Variants in IFT122 observed in about 807,000 individuals in gnomAD.
IFT122 encodes intraflagellar transport 122, also known as intraflagellar transport protein 122 homolog.
A neutral mutation model predicts 161.6 loss-of-function variants in IFT122; 118 were observed. That is an observed-to-expected ratio of 0.73 (90% CI 0.63 to 0.85). IFT122 has a LOEUF of 0.85. Ranked by LOEUF, IFT122 falls within the 40% of genes least tolerant of loss-of-function variation. The pLI is 0.00. For synonymous variants in IFT122, 550 were observed against 602.4 expected (o/e 0.91, Z 1.27); for missense variants, 1,381 against 1,579.6 (o/e 0.87, Z 2.13).
chr3:129,454,743 A>G (rs1194372653), intron 3 of IFT122, among the ~76,000 whole-genome samples: 1 of 152,138 alleles, frequency 6.6e-6, no homozygotes, highest in East Asian at 1.9e-4. Context: ...GTTTATAAGC[A>G]TAGCAGGGCT....
intron 17 of IFT122, among the ~76,000 whole-genome samples, 197 bp from the exon 18 acceptor site, chr3:129,495,249 G>T (rs2080696297): frequency 6.6e-6 from 1 of 152,162 alleles, no homozygotes; most frequent in Non-Finnish European, 1.5e-5. Flanking sequence ...ATCTTTGCTT[G>T]TCTGGTAAAA....
At chr3:129,486,645 G>A (rs1433172930) in intron 15 of IFT122, among the ~76,000 whole-genome samples, 3 of 152,194 alleles carry the variant, frequency 2.0e-5, no homozygotes. Context: ...AAAGGGAAAG[G>A]TGGGGGTAGG....
At chr3:129,519,829 C>A in intron 29 of IFT122, 97 bp downstream of exon 29, 3 of 1,413,524 alleles carry the variant, frequency 2.1e-6, no homozygotes, top group African/African-American at 1.4e-5. Context: ...GGAGGAGGGG[C>A]ACATCCATGG....
chr3:129,499,961 C>T lies in IFT122; in HGVS notation c.2268C>T (p.Asp756=). 6.2e-7 allele frequency: 1 copy of T among 1,614,218 alleles called. No individual in the cohort carries two copies. Among genetic ancestry groups the T allele is most frequent in the Non-Finnish European group, 8.5e-7 (1 of 1,180,040 alleles). The change falls in exon 19 of 30, where the codon GAC becomes GAT. Residue 756 remains aspartate (D), a synonymous_variant. Transcript: ENST00000348417. ...ETKMLITKQA[D]WARNIKEPKA... is the part of the protein sequence containing the mutation. ...AGATGCTAATCACCAAACAGGCTGA[C>T]TGGGCCAGAAATATCAAGGAGCCCA... is the stretch of plus-strand genomic sequence containing the variant.
intron 2 of IFT122, 115 bp downstream of exon 2, chr3:129,450,052 A>C: frequency 1.3e-6 from 1 of 755,114 alleles, no homozygotes; most frequent in Admixed American, 2.0e-5. Flanking sequence ...AGGGTGGAAA[A>C]ACCTTCCCTA....
At position 129,444,309 on chromosome 3, in the gene IFT122, G is replaced by A. The variant is rs113616544; in HGVS notation, c.41+3938G>A. On this transcript the variant is annotated intron_variant, in intron 1 of 29. Transcript: ENST00000348417. Reference sequence around the variant, plus strand: ...CAGGTCTGTTACCACATAATGGTGAGGAAGCTGAAAAACTCAGGGCTTCAG... The same window carrying A: ...CAGGTCTGTTACCACATAATGGTGAAGAAGCTGAAAAACTCAGGGCTTCAG... 8.3e-3 allele frequency among the ~76,000 whole-genome samples: 1,271 copies of A among 152,336 alleles called. 14 individuals carry two copies. The highest frequency in any genetic ancestry group is 0.029 in the African/African-American group (1,213 of 41,570).
intron 9 of IFT122, 27 bp downstream of exon 9, chr3:129,469,444 G>T (rs766600664): frequency 1.3e-6 from 2 of 1,526,948 alleles, no homozygotes; most frequent in Non-Finnish European, 9.1e-7. Context: ...AAATCCAATT[G>T]CAGTCATGCC....
intron 1 of IFT122, among the ~76,000 whole-genome samples, chr3:129,449,342 A>C (rs533147219): frequency 4.5e-4 from 69 of 152,362 alleles, no homozygotes; most frequent in Admixed American, 4.4e-3. Flanking sequence ...ACACAACCTT[A>C]GAGGTGAGAA....
At chr3:129,494,483 T>C (rs2080586164) in intron 17 of IFT122, among the ~76,000 whole-genome samples, 1 of 152,230 alleles carries the variant, frequency 6.6e-6, no homozygotes, top group African/African-American at 2.4e-5. Context: ...TGCCTCCAGC[T>C]GTTAAAACTT....
intron 26 of IFT122, among the ~76,000 whole-genome samples, chr3:129,516,123 GCACACACAGAGACTGCCCCTGCACA>G (rs2083495010): frequency 2.5e-5 from 3 of 120,620 alleles, no homozygotes; most frequent in Admixed American, 8.6e-5. Flanking sequence ...GACTGCCCCT[GCACACACAGAGACTGCCCCTGCACA>G]CACACACAGA....
chr3:129,504,573 G>A (rs1408529503), intron 21 of IFT122, 152 bp downstream of exon 21: 4 of 729,724 alleles, frequency 5.5e-6, no homozygotes, highest in Admixed American at 4.0e-5. Flanking sequence ...GTGAAAGACT[G>A]TGGAGCATGG....
In IFT122 at chr3:129,514,411, A is replaced by G. The variant is rs1560012616; in HGVS notation, c.3010A>G (p.Lys1004Glu). 6.2e-7 allele frequency: 1 copy of G among 1,614,154 alleles called. No individual in the cohort carries two copies. Among genetic ancestry groups the G allele is most frequent in the Non-Finnish European group, 8.5e-7 (1 of 1,180,006 alleles). The change falls in exon 25 of 30, where the codon AAG becomes GAG. Residue 1004 changes from lysine to glutamate, a missense_variant. By Grantham distance (56) the Lys-to-Glu change is moderately conservative. This residue lies in a region of IFT122 where 496 missense variants were observed against 502.5 expected (regional missense o/e 0.99). Transcript: ENST00000348417. ...CAGGAAAATACTCTTCACCTTGGCC[A>G]AGCAGAGCAAGGCCCTCGGTGCCTA... is the stretch of plus-strand genomic sequence containing the variant. Reference protein sequence around the residue: ...SKVKILFTLAKQSKALGAYRL... With the variant: ...SKVKILFTLAEQSKALGAYRL...
chr3:129,486,674 G>T (rs1327635162), intron 15 of IFT122, among the ~76,000 whole-genome samples: 1 of 152,214 alleles, frequency 6.6e-6, no homozygotes, highest in African/African-American at 2.4e-5. Context: ...TGGAGAGCCT[G>T]GGAGATGGTG....
intron 29 of IFT122, 110 bp downstream of exon 29, chr3:129,519,842 C>T: frequency 1.5e-6 from 2 of 1,321,264 alleles, no homozygotes; most frequent in Non-Finnish European, 2.2e-6. Flanking sequence ...ATCCATGGCT[C>T]CAAGTTGGGA....
intron 15 of IFT122, chr3:129,484,035 G>C: frequency 2.6e-6 from 1 of 384,994 alleles, no homozygotes. Context: ...GTGTGTGTGT[G>C]AGTACGTGTG....
At chr3:129,472,583 G>A (rs1329130244) in intron 9 of IFT122, among the ~76,000 whole-genome samples, 1 of 151,866 alleles carries the variant, frequency 6.6e-6, no homozygotes, top group Admixed American at 6.6e-5. Flanking sequence ...GGTGTTCACT[G>A]AGCTTTTTGA....
intron 12 of IFT122, among the ~76,000 whole-genome samples, chr3:129,479,125 A>G (rs941775639): frequency 1.3e-5 from 2 of 152,182 alleles, no homozygotes; most frequent in Non-Finnish European, 2.9e-5. Flanking sequence ...AAATCTCTCA[A>G]AAGCCTAGAA....
chr3:129,520,367 G>A lies in IFT122; in HGVS notation c.*102G>A, dbSNP rs2084605906. On this transcript the variant is annotated 3_prime_UTR_variant, in exon 30 of 30. Coordinates refer to ENST00000348417, the MANE Select transcript of IFT122 (RefSeq NM_052989.3). ...ACTGTCAGAATGTGTTTCTTGCCCA[G>A]ATGAAGTTTGTGTTTTGTGGGGGGG... 1 of 972,672 alleles carries A rather than the reference G, an allele frequency of 1.0e-6. No homozygotes were observed. Among genetic ancestry groups the A allele is most frequent in the Admixed American group, 2.0e-5 (1 of 50,290 alleles). 60.3% of individuals were successfully genotyped at this position (972,672 alleles called of 1,614,324 possible).
chr3:129,460,608 ATTTTCT>A (rs890902101), intron 4 of IFT122, among the ~76,000 whole-genome samples: 6 of 151,904 alleles, frequency 3.9e-5, no homozygotes, highest in African/African-American at 1.5e-4. Context: ...TATAGACCAC[ATTTTCT>A]TTATCCATTC....
Sources: gnomAD v4.1 joint callset for allele counts (sites outside exome capture counted in the v4.1 genomes callset) on GRCh38, gnomAD v4.1.1 for gene constraint, gnomAD v4.1.1 regional missense constraint, MANE v1.5 for transcripts, NCBI Gene and HGNC (gene_info 2026-07-23, HGNC 2026-07-21) for gene names.